The following RAP1GAP2 variants were observed in gnomAD, a reference collection of about 807,000 sequenced individuals.
RAP1GAP2 encodes rap1 GTPase-activating protein 2.
In RAP1GAP2, 27 loss-of-function variants were observed where a neutral mutation model predicts 95.0. That is an observed-to-expected ratio of 0.28 (90% CI 0.21 to 0.39). The LOEUF is 0.39. RAP1GAP2 is among the 10% of genes least tolerant of loss of function. RAP1GAP2 has a pLI of 1.00. For synonymous variants in RAP1GAP2, 373 were observed against 380.9 expected, an observed-to-expected ratio of 0.98 and a Z score of 0.24; for missense variants, 771 against 970.0, an observed-to-expected ratio of 0.79 and a Z score of 2.72.
rs1051951709 is a variant in RAP1GAP2, at chr17:2,963,307, C to T, written c.247-123C>T. On this transcript the variant is annotated intron_variant, in intron 5 of 24. Coordinates refer to ENST00000254695, the MANE Select transcript of RAP1GAP2 (RefSeq NM_015085.5). This position sits in a 1 kb window ranked among gnomAD's most constrained non-coding sequence, Gnocchi z 4.8. ...CAGAGCTGATTCTGAGCTGTTCTTC[C>T]ATCGAATGTTCCTCCCTCAAAGCCC... The T allele has an allele frequency of 2.8e-5, 30 of 1,087,912 alleles. No homozygotes were observed. Among genetic ancestry groups the T allele is most frequent in the Non-Finnish European group, 4.1e-5 (29 of 708,094 alleles). The allele number at this position is 1,087,912 out of a possible 1,614,324, so 67.4% of individuals were successfully genotyped here.
chr17:2,758,181 C>CCCCCT (rs1555537910), intron 1 of RAP1GAP2, among the ~76,000 whole-genome samples: 4 of 124,148 alleles, frequency 3.2e-5, no homozygotes, highest in African/African-American at 9.2e-5. Context: ...GCCCCCCCCC[C>CCCCCT]TTTTTTTTTT....
chr17:2,916,186 G>A (rs1008263478), intron 3 of RAP1GAP2, among the ~76,000 whole-genome samples: 1 of 152,116 alleles, frequency 6.6e-6, no homozygotes, highest in Non-Finnish European at 1.5e-5. Context: ...ACTCTGCCAG[G>A]CATGTAAGTG....
intron 7 of RAP1GAP2, chr17:2,964,763 G>T (rs1473322726): frequency 3.9e-5 from 6 of 152,592 alleles, no homozygotes; most frequent in African/African-American, 1.2e-4. Flanking sequence ...ACTGCATAGT[G>T]TCTGCGAGCC....
At chr17:2,908,518 A>T (rs1158663275) in intron 3 of RAP1GAP2, among the ~76,000 whole-genome samples, 1 of 151,880 alleles carries the variant, frequency 6.6e-6, no homozygotes, top group East Asian at 1.9e-4. Context: ...CCTGACTCGG[A>T]GGGGCCGGTG....
intron 2 of RAP1GAP2, among the ~76,000 whole-genome samples, chr17:2,835,514 A>C (rs1358887839): frequency 2.0e-5 from 3 of 152,084 alleles, no homozygotes; most frequent in East Asian, 1.9e-4. Context: ...AGCCACCACA[A>C]ACTTGTTGTT....
intron 21 of RAP1GAP2, 107 bp from the exon 22 acceptor site, chr17:3,026,837 G>A: frequency 7.3e-7 from 1 of 1,372,556 alleles, no homozygotes; most frequent in East Asian, 2.6e-5. Context: ...GCCCAAGTGG[G>A]GAGCAGGAGG....
intron 19 of RAP1GAP2, 86 bp downstream of exon 19, chr17:3,020,681 T>C (rs2046931573): frequency 4.1e-6 from 5 of 1,205,966 alleles, no homozygotes; most frequent in Non-Finnish European, 6.0e-6. Flanking sequence ...TGCCCTACCT[T>C]GCAGGGAGGA....
intron 3 of RAP1GAP2, among the ~76,000 whole-genome samples, chr17:2,933,393 G>C (rs1028517216): frequency 3.9e-5 from 6 of 152,194 alleles, no homozygotes; most frequent in African/African-American, 1.4e-4. Flanking sequence ...CCAGACACCT[G>C]CCTTCCAGGG....
At chr17:2,957,738 C>A (rs767201243) in intron 3 of RAP1GAP2, 21 bp from the exon 4 acceptor site, 3 of 1,604,374 alleles carry the variant, frequency 1.9e-6, no homozygotes, top group African/African-American at 1.3e-5. Flanking sequence ...GTCTTTCTGT[C>A]CCCCTGCTTT....
chr17:2,813,041 T>C (rs2069840795), intron 2 of RAP1GAP2, among the ~76,000 whole-genome samples: 2 of 150,862 alleles, frequency 1.3e-5, no homozygotes, highest in South Asian at 4.2e-4. Flanking sequence ...TCCAATTAAA[T>C]CTGAATGTCG....
chr17:2,892,395 G>C (rs2151699757), intron 2 of RAP1GAP2, among the ~76,000 whole-genome samples: 1 of 152,266 alleles, frequency 6.6e-6, no homozygotes. Context: ...AATTCAGCTA[G>C]GGCGTGTTGG....
intron 19 of RAP1GAP2, among the ~76,000 whole-genome samples, chr17:3,022,455 GTTTACA>G (rs2046992894): frequency 6.6e-6 from 1 of 152,110 alleles, no homozygotes; most frequent in Non-Finnish European, 1.5e-5. Context: ...GTGAAAAAAA[GTTTACA>G]TTTACATTTC....
intron 9 of RAP1GAP2, 70 bp from the exon 10 acceptor site, chr17:2,981,125 G>A (rs1185472261): frequency 6.9e-7 from 1 of 1,444,498 alleles, no homozygotes; most frequent in Non-Finnish European, 9.6e-7. Context: ...GCATTGTCCA[G>A]GTGGGCAGAG....
intron 17 of RAP1GAP2, 86 bp from the exon 18 acceptor site, chr17:3,017,975 G>A (rs2046830971): frequency 3.6e-6 from 5 of 1,372,746 alleles, no homozygotes. Flanking sequence ...GTGTGCTGAG[G>A]GCTGTGTCTA....
chr17:2,982,224 G>T (rs2151540388), intron 10 of RAP1GAP2, among the ~76,000 whole-genome samples: 1 of 152,280 alleles, frequency 6.6e-6, no homozygotes, highest in Non-Finnish European at 1.5e-5. Context: ...ACTGCAACCT[G>T]CACCTCCTGG....
intron 3 of RAP1GAP2, among the ~76,000 whole-genome samples, chr17:2,953,626 C>A (rs879638623): frequency 6.6e-6 from 1 of 152,160 alleles, no homozygotes; most frequent in East Asian, 1.9e-4. Context: ...GTGGGCAGAT[C>A]ACCTGAGGTC....
intron 2 of RAP1GAP2, among the ~76,000 whole-genome samples, chr17:2,856,093 A>C (rs368248040): frequency 2.8e-4 from 42 of 152,272 alleles, no homozygotes; most frequent in African/African-American, 9.1e-4. Context: ...CTTCCCCTGG[A>C]CTTGGATTCC....
At chr17:2,806,473 A>G (rs1237758513) in intron 2 of RAP1GAP2, among the ~76,000 whole-genome samples, 1 of 150,554 alleles carries the variant, frequency 6.6e-6, no homozygotes, top group Non-Finnish European at 1.5e-5. Context: ...GCTCACTGCA[A>G]CCTCCACCTC....
At position 2,788,387 on chromosome 17, in the gene RAP1GAP2, CCT is replaced by C. The variant is rs1297142067; in HGVS notation, c.-14+11110_-14+11111del. Among the ~76,000 whole-genome samples, 16 of 152,256 alleles carry C rather than the reference CCT, an allele frequency of 1.1e-4. No homozygotes were observed. In the East Asian group the frequency reaches 3.1e-3, roughly 29 times the overall value. On this transcript the variant is annotated intron_variant, in intron 1 of 24. Transcript: ENST00000540393. ...CTCAGCTCACTGCAACCTCTACCTC[CCT>C]GATTCAAGCAGTTCTCCTGCCTCAG...
Sources: gnomAD v4.1 joint callset for allele counts (sites outside exome capture counted in the v4.1 genomes callset) on GRCh38, gnomAD v4.1.1 for gene constraint, Gnocchi (gnomAD v3.1) non-coding constraint, MANE v1.5 for transcripts, NCBI Gene and HGNC (gene_info 2026-07-23, HGNC 2026-07-21) for gene names.